FKBP15: variants seen among roughly 807,000 people sequenced by gnomAD.
FKBP15 encodes FKBP prolyl isomerase family member 15.
Under a neutral mutation model 158.1 loss-of-function variants are expected in FKBP15, and 106 were observed. The ratio of observed to expected loss-of-function variants is 0.67; its 90% CI spans 0.57 to 0.79. FKBP15 has a LOEUF of 0.79. Ranked by LOEUF, FKBP15 falls within the 30% of genes least tolerant of loss-of-function variation. The pLI is 0.00. For missense variants in FKBP15, 1,287 were observed against 1,479.1 expected (o/e 0.87, Z 2.13); for synonymous variants, 547 against 548.6 (o/e 1.00, Z 0.04).
chr9:113,196,702 AGTCACAACCACTTCTAGACTCT>A (rs1330059890), intron 9 of FKBP15, among the ~76,000 whole-genome samples: 1 of 152,190 alleles, frequency 6.6e-6, no homozygotes, highest in Non-Finnish European at 1.5e-5. Context: ...ACTTTCTTAA[AGTCACAACCACTTCTAGACTCT>A]GAATAGAGAG....
intron 2 of FKBP15, among the ~76,000 whole-genome samples, 198 bp from the exon 3 acceptor site, chr9:113,207,494 C>T (rs1403952148): frequency 6.6e-6 from 1 of 151,678 alleles, no homozygotes; most frequent in Admixed American, 6.6e-5. Flanking sequence ...TGCGTGCCAC[C>T]ACATCCGGCT....
chr9:113,188,394 G>A lies in FKBP15; in HGVS notation c.1271C>T (p.Ser424Leu). 6.2e-7 allele frequency: 1 copy of A among 1,613,118 alleles called. No homozygotes were observed. Among genetic ancestry groups the A allele is most frequent in the African/African-American group, 1.3e-5 (1 of 75,034 alleles). The change falls in exon 13 of 28, where the codon TCA (serine) becomes TTA (leucine). Residue 424 changes from serine (S) to leucine (L), a missense_variant. Ser to Leu is a moderately radical substitution (Grantham distance 145). Coordinates refer to ENST00000238256, the MANE Select transcript of FKBP15 (RefSeq NM_015258.2). ...PAHPALPQMT[S>L]QAPQPSVTGL... ...GCCTCAGAGAGGTTCCTTACCCTGTGAGGTCATCTGTGGTAACGCTGGATG... is the reference window on the plus strand; with the variant it reads ...GCCTCAGAGAGGTTCCTTACCCTGTAAGGTCATCTGTGGTAACGCTGGATG...
intron 27 of FKBP15, among the ~76,000 whole-genome samples, chr9:113,167,143 T>G (rs1174470827): frequency 6.6e-6 from 1 of 152,258 alleles, no homozygotes; most frequent in Non-Finnish European, 1.5e-5. Context: ...TGTTTTGTCC[T>G]GACTAAAGTT....
Position 113,166,008 on chromosome 9 carries a change from A to C in FKBP15, c.*70T>G. 1 of 1,462,980 alleles carries C rather than the reference A, an allele frequency of 6.8e-7. No individual in the cohort carries two copies. The highest frequency in any genetic ancestry group is 1.9e-5 in the Admixed American group (1 of 51,876). The allele number at this position is 1,462,980 out of a possible 1,614,324, so 90.6% of individuals were successfully genotyped here. ...CTCACCCTGTGGTTCGCCTAGACCC[A>C]GGGTTGGCTGTGCAAAATCATGCTT... On this transcript the variant is annotated 3_prime_UTR_variant, in exon 28 of 28. Transcript: ENST00000238256.
At chr9:113,173,692 G>A in intron 22 of FKBP15, 87 bp from the exon 23 acceptor site, 1 of 1,409,932 alleles carries the variant, frequency 7.1e-7, no homozygotes, top group South Asian at 1.3e-5. Context: ...CTTTCAAAAA[G>A]CAAAAGAATA....
intron 6 of FKBP15, among the ~76,000 whole-genome samples, chr9:113,200,785 C>T (rs1354437525): frequency 6.6e-6 from 1 of 152,080 alleles, no homozygotes; most frequent in Non-Finnish European, 1.5e-5. Flanking sequence ...GTGGCTCACA[C>T]CTGTAATCTC....
intron 1 of FKBP15, among the ~76,000 whole-genome samples, chr9:113,215,504 C>A (rs1455500642): frequency 6.6e-6 from 1 of 151,396 alleles, no homozygotes; most frequent in Admixed American, 6.6e-5. Context: ...AAAGATCACA[C>A]CATAACAGAT....
chr9:113,181,892 G>C (rs1406390302), intron 19 of FKBP15, among the ~76,000 whole-genome samples: 2 of 152,148 alleles, frequency 1.3e-5, no homozygotes, highest in African/African-American at 4.8e-5. Context: ...TCTTGACCTA[G>C]GCATTAGGAG....
chr9:113,196,519 G>A (rs1338081700), intron 9 of FKBP15, among the ~76,000 whole-genome samples: 3 of 151,974 alleles, frequency 2.0e-5, no homozygotes, highest in African/African-American at 4.8e-5. Flanking sequence ...AAGTAGCTGG[G>A]ACTACAGGCG....
intron 19 of FKBP15, among the ~76,000 whole-genome samples, chr9:113,179,322 C>A (rs1049816954): frequency 1.3e-5 from 2 of 152,046 alleles, no homozygotes; most frequent in Admixed American, 1.3e-4. Context: ...AAGTCTTTAT[C>A]GGTTTTATAG....
rs1133618 is a variant in FKBP15, at chr9:113,206,517, C to A, written c.316G>T (p.Ala106Ser). The part of the protein sequence containing the change: ...FGAAVLGNHT[A>S]REYRILLYIS... ...TGTGGGAGCACTCTCACCTCTCTGGCTGTGTGGTTCCCCAGAACTGCAGCA... is the reference window on the plus strand; with the variant it reads ...TGTGGGAGCACTCTCACCTCTCTGGATGTGTGGTTCCCCAGAACTGCAGCA... The change falls in exon 4 of 28, where the codon GCC becomes TCC. Residue 106 changes from alanine (A) to serine (S), a missense_variant. Physicochemically the swap from Ala to Ser is moderately conservative, Grantham distance 99 (BLOSUM62 1). Transcript: ENST00000238256. The A allele has an allele frequency of 5.8e-5, 94 of 1,613,370 alleles. No individual in the cohort carries two copies. Among genetic ancestry groups the A allele is most frequent in the Non-Finnish European group, 7.4e-5 (87 of 1,179,594 alleles).
At chr9:113,208,272 G>C (rs893961905) in intron 2 of FKBP15, among the ~76,000 whole-genome samples, 1 of 152,148 alleles carries the variant, frequency 6.6e-6, no homozygotes, top group African/African-American at 2.4e-5. Flanking sequence ...GGGAGGCAGA[G>C]GTTGCAGTGA....
intron 1 of FKBP15, 92 bp downstream of exon 1, chr9:113,221,099 G>A (rs1564197577): frequency 1.5e-6 from 2 of 1,377,926 alleles, no homozygotes. Context: ...CCCGGAAGTT[G>A]GGAAAAGGCC....
At chr9:113,185,851 T>C (rs905352503) in intron 15 of FKBP15, among the ~76,000 whole-genome samples, 2 of 152,204 alleles carry the variant, frequency 1.3e-5, no homozygotes, top group African/African-American at 4.8e-5. Flanking sequence ...TAAACACCTA[T>C]AGTATTCAAC....
At chr9:113,195,299 G>A (rs1186146142) in intron 9 of FKBP15, among the ~76,000 whole-genome samples, 6 of 152,082 alleles carry the variant, frequency 3.9e-5, no homozygotes, top group African/African-American at 1.4e-4. Context: ...TTGCCACATG[G>A]GGTATGATTC....
chr9:113,208,794 G>A (rs919656155), intron 2 of FKBP15, among the ~76,000 whole-genome samples: 3 of 151,984 alleles, frequency 2.0e-5, no homozygotes, highest in Non-Finnish European at 1.5e-5. Context: ...ATCACTTGTG[G>A]TCAGGAGTTT....
At chr9:113,221,086 C>T in intron 1 of FKBP15, 105 bp downstream of exon 1, 1 of 1,246,706 alleles carries the variant, frequency 8.0e-7, no homozygotes, top group Non-Finnish European at 1.1e-6. Flanking sequence ...GCAAGGGTCT[C>T]CCCCCGGAAG....
intron 4 of FKBP15, 26 bp downstream of exon 4, chr9:113,206,483 T>C (rs769705350): frequency 1.3e-6 from 2 of 1,592,754 alleles, no homozygotes; most frequent in East Asian, 2.2e-5. Context: ...CATCTGAATA[T>C]ACATGAGATG....
intron 6 of FKBP15, 109 bp from the exon 7 acceptor site, chr9:113,200,072 T>TG: frequency 7.9e-7 from 1 of 1,261,382 alleles, no homozygotes; most frequent in Non-Finnish European, 1.1e-6. Context: ...ACAAAACAGA[T>TG]TACATGTTTA....
Sources: allele counts gnomAD v4.1 joint callset (sites outside exome capture counted in the v4.1 genomes callset), GRCh38; gene constraint gnomAD v4.1.1; transcripts MANE v1.5; gene names NCBI Gene and HGNC (gene_info 2026-07-23, HGNC 2026-07-21).